LRCH1: variants seen among roughly 807,000 people sequenced by gnomAD.
The protein encoded by LRCH1 is leucine-rich repeat and calponin homology domain-containing protein 1.
Under a neutral mutation model 94.9 loss-of-function variants are expected in LRCH1, and 23 were observed. The ratio of observed to expected loss-of-function variants is 0.24; its 90% CI spans 0.17 to 0.34. The LOEUF is 0.34. LRCH1 is among the 10% of genes least tolerant of loss of function. LRCH1 has a pLI of 1.00. For synonymous variants in LRCH1, 364 were observed against 354.9 expected (o/e 1.03, Z -0.29); for missense variants, 790 against 945.9 (o/e 0.84, Z 2.16).
chr13:46,738,464 T>G (rs1403174187), intron 19 of LRCH1, among the ~76,000 whole-genome samples: 1 of 152,262 alleles, frequency 6.6e-6, no homozygotes, highest in South Asian at 2.1e-4. Context: ...GTTCCCACTT[T>G]ACACCTCTTG....
intron 11 of LRCH1, 113 bp downstream of exon 11, chr13:46,701,320 C>T (rs947521987): frequency 1.4e-5 from 9 of 659,146 alleles, no homozygotes; most frequent in Non-Finnish European, 2.3e-5. Context: ...CCCAGTCCAG[C>T]TACTAACAAA....
chr13:46,692,763 C>T, intron 8 of LRCH1, 122 bp downstream of exon 8: 1 of 662,912 alleles, frequency 1.5e-6, no homozygotes, highest in Non-Finnish European at 2.5e-6. Context: ...GTACCAGGTA[C>T]TGTGTTCTTC....
chr13:46,641,083 G>A (rs1408224), intron 1 of LRCH1, among the ~76,000 whole-genome samples: 103,069 of 151,976 alleles, frequency 0.68, 35,157 homozygotes, highest in Middle Eastern at 0.75. Flanking sequence ...CCCTTACTGG[G>A]GGGCAGTTCT....
chr13:46,585,571 AC>A (rs372326954), intron 1 of LRCH1, among the ~76,000 whole-genome samples: 76 of 149,488 alleles, frequency 5.1e-4, no homozygotes, highest in East Asian at 2.3e-3. Context: ...AAAAAAAAAA[AC>A]AAAAAAACGC....
chr13:46,690,937 G>A (rs141518627), intron 7 of LRCH1, among the ~76,000 whole-genome samples: 179 of 152,280 alleles, frequency 1.2e-3, no homozygotes, highest in African/African-American at 4.0e-3. Flanking sequence ...TGCTGCCATT[G>A]ATTGATTTAG....
At chr13:46,555,766 A>C (rs1225603724) in intron 1 of LRCH1, among the ~76,000 whole-genome samples, 1 of 152,254 alleles carries the variant, frequency 6.6e-6, no homozygotes, top group African/African-American at 2.4e-5. Flanking sequence ...TATTCATTGC[A>C]GCTAGTTATT....
intron 1 of LRCH1, among the ~76,000 whole-genome samples, chr13:46,629,105 T>C (rs575394595): frequency 1.3e-5 from 2 of 152,192 alleles, no homozygotes; most frequent in African/African-American, 2.4e-5. Flanking sequence ...TTTAATGCCA[T>C]CTTCCTAGCA....
intron 1 of LRCH1, among the ~76,000 whole-genome samples, chr13:46,593,532 G>A (rs532433790): frequency 2.2e-4 from 34 of 152,326 alleles, no homozygotes; most frequent in African/African-American, 7.2e-4. Flanking sequence ...ACCACGATCT[G>A]ACGTGATCTG....
At chr13:46,663,346 T>A (rs1402538649) in intron 2 of LRCH1, among the ~76,000 whole-genome samples, 1 of 152,162 alleles carries the variant, frequency 6.6e-6, no homozygotes, top group African/African-American at 2.4e-5. Context: ...TTGTTGTTGT[T>A]GTTGTTGCTC....
chr13:46,558,397 T>C (rs1172745198), intron 1 of LRCH1, among the ~76,000 whole-genome samples: 1 of 151,636 alleles, frequency 6.6e-6, no homozygotes, highest in Middle Eastern at 3.2e-3. Flanking sequence ...GAAGTGCCTA[T>C]GAATATTCTG....
chr13:46,584,713 T>C, intron 1 of LRCH1, among the ~76,000 whole-genome samples: 1 of 152,252 alleles, frequency 6.6e-6, no homozygotes, highest in Non-Finnish European at 1.5e-5. Flanking sequence ...TTTGATTTCC[T>C]CTTAAGTGCT....
At chr13:46,705,034 A>G (rs374903389) in intron 11 of LRCH1, 34 bp from the exon 12 acceptor site, 8 of 1,133,604 alleles carry the variant, frequency 7.1e-6, no homozygotes, top group Non-Finnish European at 2.6e-6. Flanking sequence ...AAAGTTTAAT[A>G]CGTTTACTAA....
At chr13:46,554,206 G>T (rs1179700769) in intron 1 of LRCH1, among the ~76,000 whole-genome samples, 1 of 152,240 alleles carries the variant, frequency 6.6e-6, no homozygotes, top group Admixed American at 6.5e-5. Flanking sequence ...AAGGTGGCAC[G>T]CCCTCGGCCG....
chr13:46,705,180 A>G (rs772996663), intron 12 of LRCH1, 23 bp downstream of exon 12: 5 of 1,595,252 alleles, frequency 3.1e-6, no homozygotes, highest in Non-Finnish European at 4.3e-6. Context: ...TTTATAACAA[A>G]TTATGTTTTC....
chr13:46,588,961 GTA>G lies in LRCH1; in HGVS notation c.307+35272_307+35273del, dbSNP rs369834031. Reference sequence around the variant, plus strand: ...TGTATGTGAAGGTATGCGGATGTGTGTATATATATATATATGTTTTTTGCTGA... The same window carrying G: ...TGTATGTGAAGGTATGCGGATGTGTGTATATATATATATGTTTTTTGCTGA... On this transcript the variant is annotated intron_variant, in intron 1 of 19. Transcript: ENST00000389797. Among the ~76,000 whole-genome samples, 13 of 150,104 alleles carry G rather than the reference GTA, an allele frequency of 8.7e-5. 1 individual carries two copies. The highest frequency in any genetic ancestry group is 2.0e-4 in the Admixed American group (3 of 15,060).
In LRCH1 at chr13:46,728,873, T is replaced by C. The variant is rs779012300; in HGVS notation, c.1896T>C (p.Ser632=). 7.4e-6 allele frequency: 12 copies of C among 1,611,848 alleles called. No individual in the cohort carries two copies. Among genetic ancestry groups the C allele is most frequent in the Middle Eastern group, 1.6e-4 (1 of 6,082 alleles). Residue 632 remains serine, a synonymous_variant, in exon 18 of 20, where the codon AGT becomes AGC. Transcript: ENST00000389797. The part of the protein sequence containing the change: ...RESIEMRLKV[S]LHEDLGAALM... ...GCATTGAGATGAGATTGAAGGTCAGTCTACACGAAGACCTGGGGGCAGCCC... is the reference window on the plus strand; with the variant it reads ...GCATTGAGATGAGATTGAAGGTCAGCCTACACGAAGACCTGGGGGCAGCCC...
At chr13:46,690,000 T>C (rs1192756749) in intron 7 of LRCH1, among the ~76,000 whole-genome samples, 1 of 152,124 alleles carries the variant, frequency 6.6e-6, no homozygotes, top group Admixed American at 6.5e-5. Context: ...ATTATAATAC[T>C]GTGAAATTGC....
intron 1 of LRCH1, among the ~76,000 whole-genome samples, chr13:46,588,792 G>A (rs1013279985): frequency 6.6e-6 from 1 of 151,818 alleles, no homozygotes; most frequent in Non-Finnish European, 1.5e-5. Flanking sequence ...TAGTAGAGAC[G>A]GGGTTTTGCC....
intron 1 of LRCH1, among the ~76,000 whole-genome samples, chr13:46,623,577 A>G (rs904943914): frequency 6.6e-6 from 1 of 151,244 alleles, no homozygotes; most frequent in Non-Finnish European, 1.5e-5. Flanking sequence ...TCCTCTAGGG[A>G]TATGTTTAAG....
Sources: allele counts gnomAD v4.1 joint callset (sites outside exome capture counted in the v4.1 genomes callset), GRCh38; gene constraint gnomAD v4.1.1; transcripts MANE v1.5; gene names NCBI Gene and HGNC (gene_info 2026-07-23, HGNC 2026-07-21).